Variants in RRBP1 observed in about 807,000 individuals in gnomAD.
The protein encoded by RRBP1 is ribosome-binding protein 1.
In RRBP1, 94 loss-of-function variants were observed where a neutral mutation model predicts 165.2. The observed-to-expected ratio is 0.57, with a 90% confidence interval of 0.48 to 0.68. The LOEUF (loss-of-function observed/expected upper bound fraction) is 0.68, where lower values mean the gene tolerates loss of function less well. RRBP1 is among the 30% of genes least tolerant of loss of function. The pLI is 0.00. For synonymous variants in RRBP1, 680 were observed against 714.5 expected (o/e 0.95, Z 0.77); for missense variants, 1,676 against 1,763.0 (o/e 0.95, Z 0.88).
Position 17,624,614 on chromosome 20 carries a change from C to T in RRBP1, c.3109G>A (p.Ala1037Thr). The T allele has an allele frequency of 3.8e-6, 6 of 1,592,656 alleles. No individual in the cohort carries two copies. The highest frequency in any genetic ancestry group is 1.1e-5 in the South Asian group (1 of 87,124). ...AMEALATAEQ[A>T]CKEKLLSLTQ... ...AGGGAGAGCAGCTTCTCCTTGCAGG[C>T]CTGCTCGGCCGTGGCCAGTGCCTCC... is the stretch of plus-strand genomic sequence containing the variant. The change falls in exon 13 of 25, where the codon GCC becomes ACC. Residue 1037 changes from alanine (A) to threonine (T), a missense_variant. Around this residue, in one of 5 missense-constraint regions of RRBP1, gnomAD observed 1,184 missense variants for 1,167.1 expected, o/e 1.01. Transcript: ENST00000377813.
Position 17,636,607 on chromosome 20 carries a change from G to T in RRBP1, c.2307C>A (p.His769Gln). Residue 769 changes from histidine (H) to glutamine (Q), a missense_variant, in exon 6 of 25, where the codon CAC becomes CAA. By Grantham distance (24) the His-to-Gln change is conservative. Around this residue, in one of 5 missense-constraint regions of RRBP1, gnomAD observed 1,184 missense variants for 1,167.1 expected, o/e 1.01. Transcript: ENST00000377813. ...CCTGCAGCTGCTGCACCTCCTTCAC[G>T]TGCTCCCGGTAGCTGGCCTGCATGC... Reference protein sequence around the residue: ...QARMQASYREHVKEVQQLQGK... With the variant: ...QARMQASYREQVKEVQQLQGK... 6.2e-7 allele frequency: 1 copy of T among 1,612,318 alleles called. No individual in the cohort carries two copies. Among genetic ancestry groups the T allele is most frequent in the Non-Finnish European group, 8.5e-7 (1 of 1,180,000 alleles).
chr20:17,669,316 A>G (rs936682881), intron 2 of RRBP1, among the ~76,000 whole-genome samples: 1 of 152,226 alleles, frequency 6.6e-6, no homozygotes, highest in African/African-American at 2.4e-5. Flanking sequence ...AAACAGACCT[A>G]AATCTTCTGC....
At chr20:17,632,176 C>G (rs2036163158) in intron 8 of RRBP1, among the ~76,000 whole-genome samples, 1 of 152,212 alleles carries the variant, frequency 6.6e-6, no homozygotes, top group Non-Finnish European at 1.5e-5. Flanking sequence ...CAATCACAGA[C>G]TTGACAGGCA....
In RRBP1 at chr20:17,616,095, G is replaced by C. The variant is rs1306019636; in HGVS notation, c.3868-86C>G. 6 of 1,058,080 alleles carry C rather than the reference G, an allele frequency of 5.7e-6. No individual in the cohort carries two copies. The East Asian group carries it at 1.6e-4, about 28-fold the overall frequency. The allele number at this position is 1,058,080 out of a possible 1,614,324, so 65.5% of individuals were successfully genotyped here. A position where few individuals can be genotyped will look rare whatever the true frequency, so the allele number is the denominator to read the frequency against. ...GATCCAGCACAGGCACCGCTCTCTA[G>C]CTGCTTCTAGCTTCCCCTTTCCCTG... On this transcript the variant is annotated intron_variant, in intron 21 of 24. Transcript: ENST00000377813.
chr20:17,651,649 C>G (rs2036560789), intron 3 of RRBP1, among the ~76,000 whole-genome samples: 1 of 152,176 alleles, frequency 6.6e-6, no homozygotes, highest in African/African-American at 2.4e-5. Flanking sequence ...ATTTACCCCC[C>G]CGCCCCTCCA....
intron 3 of RRBP1, 116 bp downstream of exon 3, chr20:17,658,480 T>A: frequency 1.2e-6 from 1 of 865,556 alleles, no homozygotes; most frequent in Non-Finnish European, 1.7e-6. Flanking sequence ...GAATGTTTGT[T>A]ACGCAGCCTT....
Position 17,643,025 on chromosome 20 carries a change from T to G in RRBP1, c.2015A>C (p.Glu672Ala). 1 of 1,614,024 alleles carries G rather than the reference T, an allele frequency of 6.2e-7. No homozygotes were observed. ...FNEGEAQRLI[E>A]ILSEKAGIIQ... ...GATGCCAGCCTTCTCAGACAGGATC[T>G]CGATGAGCCGCTGGGCCTCGCCCTC... Residue 672 changes from glutamate to alanine, a missense_variant, in exon 4 of 25, where the codon GAG (glutamate) becomes GCG (alanine). By Grantham distance (107) the Glu-to-Ala change is moderately radical. Around this residue, in one of 5 missense-constraint regions of RRBP1, gnomAD observed 1,184 missense variants for 1,167.1 expected, o/e 1.01. Transcript: ENST00000377813. The surrounding 1 kb of genome is among the most constrained non-coding windows in gnomAD (Gnocchi z 4.3).
intron 23 of RRBP1, 150 bp downstream of exon 23, chr20:17,615,281 C>T (rs2035775993): frequency 1.6e-6 from 1 of 626,814 alleles, no homozygotes; most frequent in Admixed American, 3.2e-5. Flanking sequence ...GTCCCCACCC[C>T]AGCCCCGGGT....
rs374698625 is a variant in RRBP1, at chr20:17,672,134, T to C, written c.-22+7865A>G. Among the ~76,000 whole-genome samples, 231 of 152,160 alleles carry C rather than the reference T, an allele frequency of 1.5e-3. 1 individual carries two copies. Among genetic ancestry groups the C allele is most frequent in the African/African-American group, 5.1e-3 (213 of 41,508 alleles). ...TCCCGACACTGCCAACCCCTAGAGG[T>C]GGGCAGAGCTTCTAATTAGAAACAC... On this transcript the variant is annotated intron_variant, in intron 2 of 24. Transcript: ENST00000377813.
At position 17,642,960 on chromosome 20, in the gene RRBP1, A is replaced by G; in HGVS notation, c.2061+19T>C. 2 of 1,611,574 alleles carry G rather than the reference A, an allele frequency of 1.2e-6. No individual in the cohort carries two copies. The highest frequency in any genetic ancestry group is 1.7e-6 in the Non-Finnish European group (2 of 1,178,200). ...GCTGCAGTGGCCTCTGAGCATGGCC[A>G]GCAGGAGGGTGGGCCCACCTTGTGC... On this transcript the variant is annotated intron_variant, in intron 4 of 24. Coordinates refer to ENST00000377813, the MANE Select transcript of RRBP1 (RefSeq NM_001365613.2).
intron 21 of RRBP1, among the ~76,000 whole-genome samples, chr20:17,616,388 C>T (rs2035799975): frequency 6.6e-6 from 1 of 152,192 alleles, no homozygotes; most frequent in Non-Finnish European, 1.5e-5. Flanking sequence ...ATCCTGCTAG[C>T]GATGTCCCAG....
At chr20:17,634,450 C>T (rs1426162243) in intron 7 of RRBP1, among the ~76,000 whole-genome samples, 2 of 152,236 alleles carry the variant, frequency 1.3e-5, no homozygotes, top group East Asian at 1.9e-4. Context: ...GTAGGTCCAT[C>T]AGCTCCATGC....
Position 17,627,516 on chromosome 20 carries a change from G to C in RRBP1, c.2916C>G (p.Ala972=), listed in dbSNP as rs148741935. The stretch of plus-strand genomic sequence containing the variant: ...GCAGAAGGCTGACCTGGACGTCCTG[G>C]GCATCCCGCGCCTGGCCCGCCTCCA... ...ALLEAGQARD[A]QDVQASQAEA... Residue 972 remains alanine, a synonymous_variant, in exon 10 of 25, where the codon GCC becomes GCG. Transcript: ENST00000377813. The C allele has an allele frequency of 1.9e-3, 3,131 of 1,610,524 alleles. 7 individuals are homozygous for C. The highest frequency in any genetic ancestry group is 2.6e-3 in the Admixed American group (154 of 59,706).
chr20:17,645,262 C>T (rs922388442), intron 3 of RRBP1, among the ~76,000 whole-genome samples: 3 of 152,254 alleles, frequency 2.0e-5, no homozygotes, highest in African/African-American at 7.2e-5. Context: ...GCTCACCCGC[C>T]GCAGGCTCAG....
At chr20:17,658,539 A>AT in intron 3 of RRBP1, 57 bp downstream of exon 3, 2 of 1,440,854 alleles carry the variant, frequency 1.4e-6, no homozygotes, top group Admixed American at 4.4e-5. Flanking sequence ...GAGAGAATCC[A>AT]TAAGTCATTT....
rs769463663 is a variant in RRBP1, at chr20:17,658,922, T to C, written c.1586A>G (p.Lys529Arg). Residue 529 changes from lysine (K) to arginine (R), a missense_variant, in exon 3 of 25, where the codon AAG becomes AGG. Lys to Arg is a conservative substitution (Grantham distance 26). Transcript: ENST00000377813. Reference protein sequence around the residue: ...GKKTEGAQGKKAERSPNQGKK... With the variant: ...GKKTEGAQGKRAERSPNQGKK... ...GCCTTGGTTGGGACTCCTTTCTGCC[T>C]TTTTGCCCTGAGCCCCTTCTGTCTT... 7 of 1,613,176 alleles carry C rather than the reference T, an allele frequency of 4.3e-6. No individual in the cohort carries two copies. Among genetic ancestry groups the C allele is most frequent in the Non-Finnish European group, 5.9e-6 (7 of 1,179,874 alleles).
intron 1 of RRBP1, among the ~76,000 whole-genome samples, chr20:17,680,683 C>A (rs943089327): frequency 2.0e-5 from 3 of 152,102 alleles, no homozygotes; most frequent in Non-Finnish European, 4.4e-5. Flanking sequence ...ATGGGACCTG[C>A]GAGTAGGCGG....
Position 17,643,604 on chromosome 20 carries a change from G to C in RRBP1, c.1913-477C>G, listed in dbSNP as rs191701840. ...GCGAATTTACCGTCCACCACACACA[G>C]ACACCCAGAGCCACACTCCTGCAGC... On this transcript the variant is annotated intron_variant, in intron 3 of 24. Coordinates refer to ENST00000377813, the MANE Select transcript of RRBP1 (RefSeq NM_001365613.2). The surrounding 1 kb of genome is among the most constrained non-coding windows in gnomAD (Gnocchi z 4.3). Among the ~76,000 whole-genome samples the C allele has an allele frequency of 1.1e-4, 16 of 152,166 alleles. No homozygotes were observed. Among genetic ancestry groups the C allele is most frequent in the African/African-American group, 3.9e-4 (16 of 41,490 alleles).
chr20:17,678,264 A>C lies in RRBP1; in HGVS notation c.-22+1735T>G, dbSNP rs2037118477. Among the ~76,000 whole-genome samples, 3 of 152,212 alleles carry C rather than the reference A, an allele frequency of 2.0e-5. No individual in the cohort carries two copies. The South Asian group carries it at 6.2e-4, about 32-fold the overall frequency. The stretch of plus-strand genomic sequence containing the variant: ...TGCCTAGGCACTGTCACTTAAAATT[A>C]AATATTTACCTTCCCTTACAAGCCA... On this transcript the variant is annotated intron_variant, in intron 2 of 24. Coordinates refer to ENST00000377813, the MANE Select transcript of RRBP1 (RefSeq NM_001365613.2).
Sources: gnomAD v4.1 joint callset for allele counts (sites outside exome capture counted in the v4.1 genomes callset) on GRCh38, gnomAD v4.1.1 for gene constraint, gnomAD v4.1.1 regional missense constraint, Gnocchi (gnomAD v3.1) non-coding constraint, MANE v1.5 for transcripts, NCBI Gene and HGNC (gene_info 2026-07-23, HGNC 2026-07-21) for gene names.